IKBKB: variants seen among roughly 807,000 people sequenced by gnomAD.
IKBKB encodes the protein inhibitor of nuclear factor kappa-B kinase subunit beta.
IKBKB carries 42 observed loss-of-function variants against 113.6 expected under a neutral mutation model. The ratio of observed to expected loss-of-function variants is 0.37; its 90% CI spans 0.29 to 0.48. The LOEUF (loss-of-function observed/expected upper bound fraction) is 0.48, where lower values mean the gene tolerates loss of function less well. Ranked by LOEUF, IKBKB falls within the 20% of genes least tolerant of loss-of-function variation. The pLI is 0.99. For missense variants in IKBKB, 673 were observed against 939.7 expected, an observed-to-expected ratio of 0.72 and a Z score of 3.71; for synonymous variants, 296 against 361.3, an observed-to-expected ratio of 0.82 and a Z score of 2.05.
At chr8:42,301,047 G>A (rs1054741067) in intron 5 of IKBKB, among the ~76,000 whole-genome samples, 1 of 152,040 alleles carries the variant, frequency 6.6e-6, no homozygotes, top group African/African-American at 2.4e-5. Flanking sequence ...TGTAGAGACA[G>A]GGTCTTGCTA....
At chr8:42,278,327 T>C (rs551055110) in intron 2 of IKBKB, among the ~76,000 whole-genome samples, 71 of 152,284 alleles carry the variant, frequency 4.7e-4, no homozygotes, top group African/African-American at 1.6e-3. Flanking sequence ...TGGTGTTTTT[T>C]GGGCAGTTTC....
intron 4 of IKBKB, among the ~76,000 whole-genome samples, chr8:42,293,126 T>A (rs1180187368): frequency 1.3e-5 from 2 of 152,170 alleles, no homozygotes; most frequent in Non-Finnish European, 2.9e-5. Context: ...GAATTCCTAT[T>A]TCCTGTGCTT....
intron 2 of IKBKB, among the ~76,000 whole-genome samples, chr8:42,275,976 G>T (rs1295477941): frequency 2.0e-5 from 3 of 152,278 alleles, no homozygotes; most frequent in African/African-American, 7.2e-5. Context: ...AAGTAGCTGG[G>T]ATTACAGGTA....
intron 2 of IKBKB, among the ~76,000 whole-genome samples, chr8:42,276,631 CT>C (rs1239793029): frequency 6.6e-6 from 1 of 151,120 alleles, no homozygotes; most frequent in Non-Finnish European, 1.5e-5. Flanking sequence ...ACTTTTGCCT[CT>C]GTTAACTGTA....
At chr8:42,320,224 C>T (rs1230610195) in intron 15 of IKBKB, 2 of 156,488 alleles carry the variant, frequency 1.3e-5, no homozygotes, top group Admixed American at 6.2e-5. Context: ...GTCTTAGTAT[C>T]GATTTTTATG....
chr8:42,303,395 C>A (rs1279487929), intron 5 of IKBKB, among the ~76,000 whole-genome samples: 1 of 152,186 alleles, frequency 6.6e-6, no homozygotes, highest in Non-Finnish European at 1.5e-5. Context: ...CTAATTATTT[C>A]ATTCAAGATA....
chr8:42,298,280 T>A (rs1362229376), intron 5 of IKBKB: 1 of 985,282 alleles, frequency 1.0e-6, no homozygotes, highest in Non-Finnish European at 1.2e-6. Flanking sequence ...GGAATCAGCC[T>A]TTCCTGGATT....
At chr8:42,308,268 C>CTT (rs75642735) in intron 7 of IKBKB, among the ~76,000 whole-genome samples, 85 of 142,552 alleles carry the variant, frequency 6.0e-4, no homozygotes, top group African/African-American at 2.2e-3. Flanking sequence ...TGCTGCAACC[C>CTT]TTTTTTTTTT....
chr8:42,275,418 C>G (rs1457458940), intron 2 of IKBKB, among the ~76,000 whole-genome samples: 1 of 152,132 alleles, frequency 6.6e-6, no homozygotes, highest in East Asian at 1.9e-4. Flanking sequence ...TTCCTGGACA[C>G]AAGTGATCCT....
intron 7 of IKBKB, among the ~76,000 whole-genome samples, chr8:42,308,081 G>C (rs1217223699): frequency 6.6e-6 from 1 of 152,084 alleles, no homozygotes; most frequent in Non-Finnish European, 1.5e-5. Flanking sequence ...AAATATCCTG[G>C]CCCTTTCTGC....
chr8:42,293,636 G>A, intron 5 of IKBKB, 124 bp downstream of exon 5: 1 of 1,542,520 alleles, frequency 6.5e-7, no homozygotes, highest in Non-Finnish European at 8.8e-7. Context: ...GGGAATGGGA[G>A]CCCAGGGACG....
chr8:42,308,810 CA>C (rs1817084944), intron 7 of IKBKB, 90 bp from the exon 8 acceptor site: 1 of 1,293,676 alleles, frequency 7.7e-7, no homozygotes, highest in African/African-American at 1.5e-5. Flanking sequence ...AGGATGAAGC[CA>C]GGGGTGAAAG....
intron 16 of IKBKB, 26 bp from the exon 17 acceptor site, chr8:42,321,870 A>T: frequency 6.4e-7 from 1 of 1,567,888 alleles, no homozygotes; most frequent in Non-Finnish European, 8.7e-7. Flanking sequence ...CCTCAAGTCT[A>T]GACAGAACTT....
chr8:42,274,685 AC>A (rs1808572438), intron 2 of IKBKB, among the ~76,000 whole-genome samples: 1 of 147,618 alleles, frequency 6.8e-6, no homozygotes, highest in South Asian at 2.1e-4. Context: ...GGTGCCTGCC[AC>A]CACACCTGGC....
Position 42,331,435 on chromosome 8 carries a change from C to A in IKBKB, c.*456C>A. 1 of 702,260 alleles carries A rather than the reference C, an allele frequency of 1.4e-6. No individual in the cohort carries two copies. The allele number at this position is 702,260 out of a possible 1,614,324, so 43.5% of individuals were successfully genotyped here. On this transcript the variant is annotated 3_prime_UTR_variant, in exon 22 of 22. Coordinates refer to ENST00000520810, the MANE Select transcript of IKBKB (RefSeq NM_001556.3). ...GAGTCCGAGCAGCGCTTGGTGACAG[C>A]CTGTCCTCTCCTGCTCTCCAAAGGC...
chr8:42,316,174 G>A lies in IKBKB; in HGVS notation c.801-36G>A, dbSNP rs202122210. 1.2e-6 allele frequency: 2 copies of A among 1,609,606 alleles called. No individual in the cohort carries two copies. The highest frequency in any genetic ancestry group is 1.7e-6 in the Non-Finnish European group (2 of 1,177,302). On this transcript the variant is annotated intron_variant, in intron 9 of 21. Transcript: ENST00000520810. This position sits in a 1 kb window ranked among gnomAD's most constrained non-coding sequence, Gnocchi z 4.5. ...GCACACTGTAGCCCAACATTGGCTG[G>A]AAGTGTCTCCTCACACACTATGCTC...
chr8:42,279,994 G>A (rs1315162586), intron 2 of IKBKB, among the ~76,000 whole-genome samples: 3 of 152,048 alleles, frequency 2.0e-5, no homozygotes, highest in Admixed American at 6.6e-5. Context: ...GACTACAGGC[G>A]TGAGACACCA....
chr8:42,298,428 G>C, intron 5 of IKBKB: 1 of 985,426 alleles, frequency 1.0e-6, no homozygotes, highest in South Asian at 4.7e-5. Flanking sequence ...AAAGAACAGA[G>C]GGTTTCAGAG....
chr8:42,307,571 TTGCTTGATGATGGCAG>T, intron 7 of IKBKB, among the ~76,000 whole-genome samples: 1 of 152,268 alleles, frequency 6.6e-6, no homozygotes, highest in Admixed American at 6.5e-5. Flanking sequence ...TTGTCATAGG[TTGCTTGATGATGGCAG>T]TAGCCACCAC....
Sources: gnomAD v4.1 joint callset for allele counts (sites outside exome capture counted in the v4.1 genomes callset) on GRCh38, gnomAD v4.1.1 for gene constraint, Gnocchi (gnomAD v3.1) non-coding constraint, MANE v1.5 for transcripts, NCBI Gene and HGNC (gene_info 2026-07-23, HGNC 2026-07-21) for gene names.